The following LAMB4 variants were observed in gnomAD, a reference collection of about 807,000 sequenced individuals.
LAMB4 encodes the protein laminin subunit beta-4.
In LAMB4, 196 loss-of-function variants were observed where a neutral mutation model predicts 199.2. The ratio of observed to expected loss-of-function variants is 0.98; its 90% CI spans 0.88 to 1.11. The LOEUF (loss-of-function observed/expected upper bound fraction) is 1.11, where lower values mean the gene tolerates loss of function less well. Ranked by LOEUF, LAMB4 falls within the 50% of genes least tolerant of loss-of-function variation. LAMB4 has a pLI of 0.00. For synonymous variants in LAMB4, 744 were observed against 770.6 expected, an observed-to-expected ratio of 0.97 and a Z score of 0.57; for missense variants, 2,080 against 2,171.2, an observed-to-expected ratio of 0.96 and a Z score of 0.83.
At chr7:108,102,559 T>G (rs531084689) in intron 10 of LAMB4, among the ~76,000 whole-genome samples, 1 of 152,194 alleles carries the variant, frequency 6.6e-6, no homozygotes, top group Non-Finnish European at 1.5e-5. Context: ...AAGCTGATGG[T>G]GGGGTATAAG....
intron 29 of LAMB4, among the ~76,000 whole-genome samples, 171 bp downstream of exon 29, chr7:108,043,581 T>G (rs1244468222): frequency 3.4e-5 from 2 of 59,368 alleles, no homozygotes; most frequent in Non-Finnish European, 5.3e-5. Flanking sequence ...TTTTTTTTTT[T>G]TTTTTTTTTT....
rs954206650 is a variant in LAMB4 at position 108,083,154 on chromosome 7, T to C, written c.1702-3368A>G. ...GGGGTGGAATAGTCGGGCTCCATTT[T>C]CCAACAAGGGCAAGTGGGTTCCTTC... is the stretch of plus-strand genomic sequence containing the variant. On this transcript the variant is annotated intron_variant, in intron 14 of 33. Coordinates refer to ENST00000388781, the MANE Select transcript of LAMB4 (RefSeq NM_007356.3). 7.9e-5 allele frequency among the ~76,000 whole-genome samples: 12 copies of C among 152,214 alleles called. No homozygotes were observed. The East Asian group carries it at 2.3e-3, about 29-fold the overall frequency.
intron 29 of LAMB4, among the ~76,000 whole-genome samples, chr7:108,043,538 CT>C (rs2035494415): frequency 1.0e-5 from 1 of 98,012 alleles, no homozygotes; most frequent in Non-Finnish European, 1.9e-5. Flanking sequence ...TTGGAACTGG[CT>C]ATGATGTTTT....
At chr7:108,122,422 AAT>A (rs1183271339) in intron 2 of LAMB4, among the ~76,000 whole-genome samples, 4 of 152,194 alleles carry the variant, frequency 2.6e-5, no homozygotes, top group Non-Finnish European at 5.9e-5. Flanking sequence ...ACAGAGAACA[AAT>A]GAGTGCTTAC....
downstream of LAMB4, among the ~76,000 whole-genome samples, chr7:108,018,599 C>T (rs1326312293): frequency 6.6e-6 from 1 of 152,124 alleles, no homozygotes; most frequent in Non-Finnish European, 1.5e-5. Context: ...ATTAGCTGGG[C>T]ATGGTGGCAC....
intron 1 of LAMB4, 71 bp downstream of exon 1, chr7:108,130,235 C>T (rs1027914049): frequency 6.6e-6 from 1 of 152,116 alleles, no homozygotes; most frequent in Non-Finnish European, 1.5e-5. Flanking sequence ...CCACTTACCC[C>T]CTAAATTCTA....
intron 13 of LAMB4, 106 bp from the exon 14 acceptor site, chr7:108,091,882 A>G (rs1584733284): frequency 9.4e-7 from 1 of 1,066,082 alleles, no homozygotes; most frequent in South Asian, 1.5e-5. Context: ...CAATCCTTAG[A>G]ATCAGTCAAT....
chr7:108,016,931 T>G, the LAMB4 span, among the ~76,000 whole-genome samples: 1 of 152,128 alleles, frequency 6.6e-6, no homozygotes, highest in Non-Finnish European at 1.5e-5. Context: ...CTAGTGAATG[T>G]GAGATAAAGT....
At chr7:108,072,517 A>G (rs1490427769) in intron 17 of LAMB4, among the ~76,000 whole-genome samples, 3 of 152,172 alleles carry the variant, frequency 2.0e-5, no homozygotes, top group African/African-American at 7.2e-5. Flanking sequence ...TAATAAAAAT[A>G]TTTTTAAAAG....
intron 14 of LAMB4, among the ~76,000 whole-genome samples, chr7:108,084,527 A>G (rs2037088191): frequency 6.6e-6 from 1 of 152,220 alleles, no homozygotes; most frequent in Admixed American, 6.5e-5. Flanking sequence ...AGATATGCGC[A>G]TCATGTATGT....
intron 14 of LAMB4, among the ~76,000 whole-genome samples, chr7:108,088,123 C>T (rs1422722560): frequency 2.0e-5 from 3 of 151,918 alleles, no homozygotes; most frequent in Non-Finnish European, 4.4e-5. Context: ...TTCCTTGTTG[C>T]TGGAAATACA....
chr7:108,034,281 G>A lies in LAMB4; in HGVS notation c.4745C>T (p.Thr1582Ile). Residue 1582 changes from threonine (T) to isoleucine (I), a missense_variant, in exon 31 of 34, where the codon ACT becomes ATT. Transcript: ENST00000388781. ...TLNQLQQAQI[T>I]QGRANSTITQ... Reference sequence around the variant, plus strand: ...AATGGTAGAGTTTGCCCGTCCTTGAGTGATTTGAGCTTGTTGTAACTGGTT... The same window carrying A: ...AATGGTAGAGTTTGCCCGTCCTTGAATGATTTGAGCTTGTTGTAACTGGTT... 3 of 1,613,622 alleles carry A rather than the reference G, an allele frequency of 1.9e-6. No homozygotes were observed. Among genetic ancestry groups the A allele is most frequent in the Non-Finnish European group, 2.5e-6 (3 of 1,179,612 alleles).
At chr7:108,121,490 C>G (rs2038596709) in intron 2 of LAMB4, among the ~76,000 whole-genome samples, 1 of 152,118 alleles carries the variant, frequency 6.6e-6, no homozygotes, top group Non-Finnish European at 1.5e-5. Context: ...TGGCTCACAC[C>G]TGTAATCCCA....
At chr7:108,101,218 G>A (rs2150641681) in intron 10 of LAMB4, among the ~76,000 whole-genome samples, 1 of 152,294 alleles carries the variant, frequency 6.6e-6, no homozygotes, top group South Asian at 2.1e-4. Flanking sequence ...TTCTTGCTAA[G>A]TGTGCCAGCC....
At chr7:108,020,470 C>CAAAA (rs57432162), downstream of LAMB4, among the ~76,000 whole-genome samples, 17 of 62,848 alleles carry the variant, frequency 2.7e-4, no homozygotes, top group African/African-American at 4.8e-4. Flanking sequence ...GACTCCATCT[C>CAAAA]AAAAAAAAAA....
intron 1 of LAMB4, among the ~76,000 whole-genome samples, chr7:108,129,219 A>G (rs149284076): frequency 1.6e-4 from 24 of 152,374 alleles, no homozygotes; most frequent in African/African-American, 5.5e-4. Context: ...CTAGAACCAC[A>G]GGTGCATCGT....
chr7:108,061,264 T>C (rs2036150118), intron 23 of LAMB4, among the ~76,000 whole-genome samples: 1 of 152,128 alleles, frequency 6.6e-6, no homozygotes, highest in Non-Finnish European at 1.5e-5. Context: ...AGGTAAAAAT[T>C]AAGGAAATCT....
Position 108,103,039 on chromosome 7 carries a change from C to A in LAMB4, c.1180+5G>T. The A allele has an allele frequency of 5.1e-6, 8 of 1,571,050 alleles. No homozygotes were observed. The highest frequency in any genetic ancestry group is 7.0e-6 in the Non-Finnish European group (8 of 1,149,546). The stretch of plus-strand genomic sequence containing the variant: ...GGTAGGATCCAGGCAGACCCGGGGA[C>A]TCACGAATGCACGCGTAGGGATCTG... On this transcript the variant is annotated splice_donor_5th_base_variant and intron_variant, in intron 10 of 33. Transcript: ENST00000388781.
intron 18 of LAMB4, 42 bp from the exon 19 acceptor site, chr7:108,068,201 G>T: frequency 6.2e-7 from 1 of 1,606,266 alleles, no homozygotes; most frequent in Non-Finnish European, 8.5e-7. Flanking sequence ...GAATGAAGAG[G>T]CAGAGAAGCA....
Sources: allele counts gnomAD v4.1 joint callset (sites outside exome capture counted in the v4.1 genomes callset), GRCh38; gene constraint gnomAD v4.1.1; transcripts MANE v1.5; gene names NCBI Gene and HGNC (gene_info 2026-07-23, HGNC 2026-07-21).